The following CALCOCO1 variants were observed in gnomAD, a reference collection of about 807,000 sequenced individuals.
CALCOCO1 encodes calcium-binding and coiled-coil domain-containing protein 1.
In CALCOCO1, 44 loss-of-function variants were observed where a neutral mutation model predicts 86.3. That is an observed-to-expected ratio of 0.51 (90% confidence interval 0.40 to 0.66). The LOEUF is 0.66. Ranked by LOEUF, CALCOCO1 falls within the 30% of genes least tolerant of loss-of-function variation. The probability of loss-of-function intolerance (pLI) is 0.00; values close to 1 mark genes in which losing one functional copy is unlikely to be tolerated. For missense variants in CALCOCO1, 708 were observed against 851.1 expected (o/e 0.83, Z 2.09); for synonymous variants, 297 against 327.6 (o/e 0.91, Z 1.01).
chr12:53,711,974 G>A lies in CALCOCO1; in HGVS notation c.2046C>T (p.Phe682=). 1 of 1,593,234 alleles carries A rather than the reference G, an allele frequency of 6.3e-7. No individual in the cohort carries two copies. Among genetic ancestry groups the A allele is most frequent in the Non-Finnish European group, 8.5e-7 (1 of 1,170,390 alleles). Residue 682 remains phenylalanine, a synonymous_variant, in exon 15 of 15, where the codon TTC becomes TTT. Transcript: ENST00000550804. ...CAAAGGTGAAGGGGTCCTGGGTGCT[G>A]AAAAAGAAGTGTCCATCCATGTGGT... ...LEDHMDGHFF[F]STQDPFTFE
At chr12:53,720,339 C>T (rs1173469065) in intron 6 of CALCOCO1, among the ~76,000 whole-genome samples, 1 of 152,214 alleles carries the variant, frequency 6.6e-6, no homozygotes, top group Non-Finnish European at 1.5e-5. Flanking sequence ...AAAACTTGAA[C>T]ACAGATTTGA....
At chr12:53,724,199 A>G in intron 3 of CALCOCO1, 1 of 435,916 alleles carries the variant, frequency 2.3e-6, no homozygotes, top group Non-Finnish European at 4.4e-6. Context: ...CCTGGCCTGC[A>G]GCTTTCATTT....
chr12:53,723,637 C>T lies in CALCOCO1; in HGVS notation c.406G>A (p.Gly136Ser). The T allele has an allele frequency of 6.2e-7, 1 of 1,614,168 alleles. No individual in the cohort carries two copies. The highest frequency in any genetic ancestry group is 1.1e-5 in the South Asian group (1 of 91,080). ...GGGACAACCAGCAGGATGTCAGAGCCCCCATCAGCCTCCTCCAGGGTCACC... is the reference window on the plus strand; with the variant it reads ...GGGACAACCAGCAGGATGTCAGAGCTCCCATCAGCCTCCTCCAGGGTCACC... ...ELVTLEEADGGSDILLVVPKA... is the reference protein window; with the variant it reads ...ELVTLEEADGSSDILLVVPKA... The change falls in exon 4 of 15, where the codon GGC becomes AGC. Residue 136 changes from glycine (G) to serine (S), a missense_variant. Physicochemically the swap from Gly to Ser is moderately conservative, Grantham distance 56. Coordinates refer to ENST00000550804, the MANE Select transcript of CALCOCO1 (RefSeq NM_020898.3).
chr12:53,721,563 C>T lies in CALCOCO1; in HGVS notation c.662G>A (p.Arg221Gln), dbSNP rs371310406. The T allele has an allele frequency of 2.9e-5, 46 of 1,613,610 alleles. No individual in the cohort carries two copies. Among genetic ancestry groups the T allele is most frequent in the African/African-American group, 8.0e-5 (6 of 74,814 alleles). ...GCGTGCCACATGGTCTCCCTGTTGC[C>T]GGCTCAGGATGTCCCTCTCTTCTGT... ...EITEERDILS[R>Q]QQGDHVARIL... The change falls in exon 6 of 15, where the codon CGG (arginine) becomes CAG (glutamine). Residue 221 changes from arginine (R) to glutamine (Q), a missense_variant. Arg to Gln is a conservative substitution (Grantham distance 43). Coordinates refer to ENST00000550804, the MANE Select transcript of CALCOCO1 (RefSeq NM_020898.3).
In CALCOCO1 at chr12:53,713,091, T is replaced by G; in HGVS notation, c.1898+9A>C. 2 of 1,612,884 alleles carry G rather than the reference T, an allele frequency of 1.2e-6. No individual in the cohort carries two copies. The highest frequency in any genetic ancestry group is 1.7e-5 in the Admixed American group (1 of 60,022). ...CCACCTCCCTCCTGGCCTTGCTGGT[T>G]GAACTCACCTGGCCATGTCATAGAA... On this transcript the variant is annotated intron_variant, in intron 14 of 14. Coordinates refer to ENST00000550804, the MANE Select transcript of CALCOCO1 (RefSeq NM_020898.3).
At chr12:53,715,110 C>T in intron 10 of CALCOCO1, 90 bp downstream of exon 10, 1 of 1,465,012 alleles carries the variant, frequency 6.8e-7, no homozygotes, top group South Asian at 1.3e-5. Flanking sequence ...GGACACCTAG[C>T]ACTTCTGAGC....
intron 5 of CALCOCO1, 50 bp from the exon 6 acceptor site, chr12:53,721,665 C>T: frequency 6.2e-7 from 1 of 1,609,536 alleles, no homozygotes; most frequent in Non-Finnish European, 8.5e-7. Flanking sequence ...ACTCATCTCT[C>T]AAGTGGTGGA....
chr12:53,712,501 C>A, intron 14 of CALCOCO1: 1 of 228,162 alleles, frequency 4.4e-6, no homozygotes, highest in South Asian at 6.6e-5. Context: ...CATCTCACAT[C>A]CAGGCAAAAC....
At chr12:53,725,310 C>T (rs1945998404) in intron 1 of CALCOCO1, 44 bp from the exon 2 acceptor site, 1 of 1,343,626 alleles carries the variant, frequency 7.4e-7, no homozygotes, top group Non-Finnish European at 1.0e-6. Context: ...TCCAGTCCAC[C>T]TCCTTCCCCC....
rs139410017 is a variant in CALCOCO1, at chr12:53,715,935, C to T, written c.1118G>A (p.Arg373Lys). Residue 373 changes from arginine to lysine, a missense_variant, in exon 9 of 15, where the codon AGG (arginine) becomes AAG (lysine). Coordinates refer to ENST00000550804, the MANE Select transcript of CALCOCO1 (RefSeq NM_020898.3). ...GTGTAGTTCGGCTATGGTGCGGTCC[C>T]TGGCTGCTGCTGCACTGGCCAACTC... ...GEELASAAAA[R>K]DRTIAELHRS... 4.2e-5 allele frequency: 68 copies of T among 1,614,188 alleles called. No individual in the cohort carries two copies. In the African/African-American group the frequency reaches 5.1e-4, roughly 12 times the overall value.
At chr12:53,716,147 G>A in intron 8 of CALCOCO1, 100 bp from the exon 9 acceptor site, 2 of 1,580,042 alleles carry the variant, frequency 1.3e-6, no homozygotes, top group Admixed American at 1.7e-5. Context: ...AGGACTCGGG[G>A]TTGTGTTGTT....
intron 8 of CALCOCO1, 77 bp from the exon 9 acceptor site, chr12:53,716,124 A>G: frequency 6.3e-7 from 1 of 1,584,074 alleles, no homozygotes; most frequent in Non-Finnish European, 8.6e-7. Flanking sequence ...CGCTCCCTCC[A>G]CTCCACTGCA....
intron 9 of CALCOCO1, 154 bp downstream of exon 9, chr12:53,715,639 T>C: frequency 9.9e-7 from 1 of 1,014,702 alleles, no homozygotes; most frequent in Non-Finnish European, 1.4e-6. Flanking sequence ...GCCTAGAAAG[T>C]AAAGTGTACC....
intron 5 of CALCOCO1, 111 bp downstream of exon 5, chr12:53,721,914 G>T: frequency 1.6e-6 from 2 of 1,272,390 alleles, no homozygotes; most frequent in Non-Finnish European, 1.1e-6. Flanking sequence ...CTTGATGCCA[G>T]AACCATTGTA....
At position 53,725,028 on chromosome 12, in the gene CALCOCO1, C is replaced by T. The variant is rs1210946269; in HGVS notation, c.156+59G>A. ...TGAGAATCCAAGAGCCCAATCATTCCCCTTATTCCAACCAACTCACAGCCC... is the reference window on the plus strand; with the variant it reads ...TGAGAATCCAAGAGCCCAATCATTCTCCTTATTCCAACCAACTCACAGCCC... On this transcript the variant is annotated intron_variant, in intron 2 of 14. Coordinates refer to ENST00000550804, the MANE Select transcript of CALCOCO1 (RefSeq NM_020898.3). 4 of 1,494,618 alleles carry T rather than the reference C, an allele frequency of 2.7e-6. No homozygotes were observed. The African/African-American group carries it at 4.2e-5, about 16-fold the overall frequency. The allele number at this position is 1,494,618 out of a possible 1,614,324, so 92.6% of individuals were successfully genotyped here.
At position 53,711,767 on chromosome 12, in the gene CALCOCO1, G is replaced by A. The variant is rs952550711; in HGVS notation, c.*177C>T. On this transcript the variant is annotated 3_prime_UTR_variant, in exon 15 of 15. Coordinates refer to ENST00000550804, the MANE Select transcript of CALCOCO1 (RefSeq NM_020898.3). ...CTCCCTGGGACAAAAGAGCCAGGTA[G>A]GAGAGGATGAAGTGAGAAATCTTGG... The A allele has an allele frequency of 7.5e-6, 4 of 535,820 alleles. No individual in the cohort carries two copies. The highest frequency in any genetic ancestry group is 1.2e-5 in the Non-Finnish European group (4 of 325,092). 33.2% of individuals were successfully genotyped at this position (535,820 alleles called of 1,614,324 possible). A position where few individuals can be genotyped will look rare whatever the true frequency, so the allele number is the denominator to read the frequency against.
At position 53,711,862 on chromosome 12, in the gene CALCOCO1, T is replaced by C; in HGVS notation, c.*82A>G. ...TCATGGAGCCCAGTGTGATAGAAAATGGGCATGAAACCTAAGTGTATGCAT... is the reference window on the plus strand; with the variant it reads ...TCATGGAGCCCAGTGTGATAGAAAACGGGCATGAAACCTAAGTGTATGCAT... On this transcript the variant is annotated 3_prime_UTR_variant, in exon 15 of 15. Coordinates refer to ENST00000550804, the MANE Select transcript of CALCOCO1 (RefSeq NM_020898.3). 1 of 1,211,794 alleles carries C rather than the reference T, an allele frequency of 8.3e-7. No homozygotes were observed. The highest frequency in any genetic ancestry group is 1.1e-6 in the Non-Finnish European group (1 of 898,994). 75.1% of individuals were successfully genotyped at this position (1,211,794 alleles called of 1,614,324 possible).
At chr12:53,713,643 A>G in intron 13 of CALCOCO1, 58 bp downstream of exon 13, 2 of 1,428,508 alleles carry the variant, frequency 1.4e-6, no homozygotes, top group Non-Finnish European at 1.9e-6. Context: ...AGGCTGGGAC[A>G]CTTGGGTTTG....
At chr12:53,718,255 C>A (rs968738606) in intron 7 of CALCOCO1, among the ~76,000 whole-genome samples, 2 of 152,022 alleles carry the variant, frequency 1.3e-5, no homozygotes, top group Non-Finnish European at 1.5e-5. Context: ...ATTGTACAAC[C>A]AAAATAAAAT....
Sources: allele counts gnomAD v4.1 joint callset (sites outside exome capture counted in the v4.1 genomes callset), GRCh38; gene constraint gnomAD v4.1.1; transcripts MANE v1.5; gene names NCBI Gene and HGNC (gene_info 2026-07-23, HGNC 2026-07-21).